The following WDPCP variants were observed in gnomAD, a reference collection of about 807,000 sequenced individuals.
WDPCP encodes the protein WD repeat-containing and planar cell polarity effector protein fritz homolog.
In WDPCP, 71 loss-of-function variants were observed where a neutral mutation model predicts 93.1. The observed-to-expected ratio is 0.76, with a 90% CI of 0.63 to 0.93. The LOEUF (loss-of-function observed/expected upper bound fraction) is 0.93. Ranked by LOEUF, WDPCP falls within the 40% of genes least tolerant of loss-of-function variation. The pLI is 0.00. For missense variants in WDPCP, 844 were observed against 887.4 expected, an observed-to-expected ratio of 0.95 and a Z score of 0.62; for synonymous variants, 315 against 315.0, an observed-to-expected ratio of 1.00 and a Z score of 0.00.
intron 10 of WDPCP, among the ~76,000 whole-genome samples, chr2:63,395,811 T>A (rs1693679597): frequency 6.6e-6 from 1 of 152,166 alleles, no homozygotes; most frequent in Admixed American, 6.5e-5. Context: ...CACTGCATCC[T>A]CCGCCTCCCA....
intron 3 of WDPCP, chr2:63,644,085 T>A (rs1033362489): frequency 2.8e-6 from 1 of 356,204 alleles, no homozygotes; most frequent in African/African-American, 2.1e-5. Flanking sequence ...ATGATCTTTT[T>A]AATCTGGTTT....
intron 2 of WDPCP, among the ~76,000 whole-genome samples, chr2:63,722,563 G>A (rs1334474102): frequency 7.0e-6 from 1 of 143,628 alleles, no homozygotes; most frequent in Non-Finnish European, 1.5e-5. Context: ...GGAGGTGGGG[G>A]GGGGTCAGCC....
intron 14 of WDPCP, among the ~76,000 whole-genome samples, chr2:63,219,329 C>A (rs897646959): frequency 6.6e-6 from 1 of 152,182 alleles, no homozygotes; most frequent in Non-Finnish European, 1.5e-5. Flanking sequence ...GGTTTTCCCT[C>A]ATACATACTT....
chr2:63,621,317 T>C (rs1169291611), intron 3 of WDPCP, among the ~76,000 whole-genome samples: 1 of 151,860 alleles, frequency 6.6e-6, no homozygotes, highest in Non-Finnish European at 1.5e-5. Context: ...ATAACCAGTT[T>C]AGAGAAGAAC....
At chr2:63,208,993 T>A (rs1046091413) in intron 14 of WDPCP, among the ~76,000 whole-genome samples, 1 of 152,126 alleles carries the variant, frequency 6.6e-6, no homozygotes, top group African/African-American at 2.4e-5. Context: ...CTGGCAAGGG[T>A]TGTATCTGGC....
intron 2 of WDPCP, among the ~76,000 whole-genome samples, chr2:63,733,757 T>C (rs1669598526): frequency 6.6e-6 from 1 of 152,220 alleles, no homozygotes. Flanking sequence ...TAAATTGGGA[T>C]ATAATTCACC....
At chr2:63,292,132 C>CAAAAAAAAAA (rs58370764) in intron 13 of WDPCP, among the ~76,000 whole-genome samples, 35 of 83,298 alleles carry the variant, frequency 4.2e-4, no homozygotes, top group South Asian at 1.2e-3. Flanking sequence ...GACTCCGGCT[C>CAAAAAAAAAA]AAAAAAAAAA....
chr2:63,247,344 C>T (rs762546684), intron 14 of WDPCP, among the ~76,000 whole-genome samples: 34 of 152,144 alleles, frequency 2.2e-4, no homozygotes, highest in Non-Finnish European at 4.3e-4. Flanking sequence ...ATCCTGAACA[C>T]ATTTTTTTAC....
At chr2:63,508,794 CA>C (rs1364412723) in intron 1 of WDPCP, among the ~76,000 whole-genome samples, 1 of 151,900 alleles carries the variant, frequency 6.6e-6, no homozygotes, top group East Asian at 1.9e-4. Flanking sequence ...TAGTCTCTGA[CA>C]AAACAGACTT....
At chr2:63,199,874 C>T (rs538329319) in intron 14 of WDPCP, among the ~76,000 whole-genome samples, 8 of 152,328 alleles carry the variant, frequency 5.3e-5, no homozygotes, top group Admixed American at 5.2e-4. Flanking sequence ...AAACCACAGG[C>T]ACTCAACAGC....
At chr2:63,217,565 G>C (rs532374912) in intron 14 of WDPCP, among the ~76,000 whole-genome samples, 1 of 152,160 alleles carries the variant, frequency 6.6e-6, no homozygotes, top group East Asian at 1.9e-4. Flanking sequence ...TCATGATTTA[G>C]GTACATTCTT....
At chr2:63,285,946 T>G (rs1386501822) in intron 13 of WDPCP, among the ~76,000 whole-genome samples, 2 of 152,114 alleles carry the variant, frequency 1.3e-5, no homozygotes, top group Non-Finnish European at 2.9e-5. Flanking sequence ...ATACATTCTT[T>G]CAGTACACAT....
chr2:63,327,262 T>C (rs1036824579), intron 12 of WDPCP, among the ~76,000 whole-genome samples: 2 of 152,208 alleles, frequency 1.3e-5, no homozygotes, highest in Non-Finnish European at 2.9e-5. Flanking sequence ...CAGCCAAATC[T>C]TAAAGTACTT....
chr2:63,458,208 T>G (rs2105725599), intron 6 of WDPCP, among the ~76,000 whole-genome samples: 1 of 144,782 alleles, frequency 6.9e-6, no homozygotes, highest in South Asian at 2.2e-4. Flanking sequence ...CTAGAAGTCC[T>G]AGACAGAGCA....
intron 12 of WDPCP, among the ~76,000 whole-genome samples, chr2:63,371,273 T>C (rs1691359474): frequency 6.6e-6 from 1 of 152,140 alleles, no homozygotes; most frequent in African/African-American, 2.4e-5. Flanking sequence ...TTTAATATGT[T>C]CAAAATCCAC....
chr2:63,745,105 C>T (rs1669775931), intron 2 of WDPCP, among the ~76,000 whole-genome samples: 1 of 152,048 alleles, frequency 6.6e-6, no homozygotes, highest in South Asian at 2.1e-4. Context: ...TATATCAATA[C>T]AAGGTATATA....
intron 6 of WDPCP, among the ~76,000 whole-genome samples, chr2:63,478,803 A>G (rs1700105206): frequency 6.6e-6 from 1 of 152,108 alleles, no homozygotes. Context: ...CAGACCCAGC[A>G]GAAGAAAAGA....
intron 8 of WDPCP, among the ~76,000 whole-genome samples, chr2:63,436,500 A>T (rs1697145033): frequency 6.6e-6 from 1 of 152,140 alleles, no homozygotes; most frequent in Non-Finnish European, 1.5e-5. Context: ...TAGGTTAAAT[A>T]CTACTTTGCC....
chr2:63,362,081 T>G (rs1690505524), intron 12 of WDPCP, among the ~76,000 whole-genome samples: 1 of 152,188 alleles, frequency 6.6e-6, no homozygotes, highest in Non-Finnish European at 1.5e-5. Flanking sequence ...AATGTTTCAC[T>G]TCTCTTCTAG....
Sources: gnomAD v4.1 joint callset for allele counts (sites outside exome capture counted in the v4.1 genomes callset) on GRCh38, gnomAD v4.1.1 for gene constraint, MANE v1.5 for transcripts, NCBI Gene and HGNC (gene_info 2026-07-23, HGNC 2026-07-21) for gene names.